Variants in HAUS6 observed in about 807,000 individuals in gnomAD.
HAUS6 encodes HAUS augmin like complex subunit 6, also known as HAUS augmin-like complex subunit 6.
HAUS6 carries 80 observed loss-of-function variants against 106.8 expected under a neutral mutation model. The ratio of observed to expected loss-of-function variants is 0.75; its 90% CI spans 0.63 to 0.90. The LOEUF (loss-of-function observed/expected upper bound fraction) is 0.90, where lower values mean the gene tolerates loss of function less well. Ranked by LOEUF, HAUS6 falls within the 40% of genes least tolerant of loss-of-function variation. The probability of loss-of-function intolerance (pLI) is 0.00; values close to 1 mark genes in which losing one functional copy is unlikely to be tolerated. For synonymous variants in HAUS6, 356 were observed against 379.1 expected, an observed-to-expected ratio of 0.94 and a Z score of 0.71; for missense variants, 1,155 against 1,118.1, an observed-to-expected ratio of 1.03 and a Z score of -0.47.
chr9:19,081,163 AC>A (rs1837139040), intron 8 of HAUS6, among the ~76,000 whole-genome samples: 1 of 152,202 alleles, frequency 6.6e-6, no homozygotes, highest in Admixed American at 6.5e-5. Flanking sequence ...AGTGAAAACT[AC>A]TAGGAAAGAG....
In HAUS6 at chr9:19,070,276, T is replaced by G. The variant is rs1487007901; in HGVS notation, c.1319A>C (p.Glu440Ala). ...ATCACTGTCTCCTCTGCAACCATTT[T>G]CTTGGTTATGTTGCTTATGTGCATC... ...LPDAHKQHNQ[E>A]NGCRGDSDTL... The change falls in exon 12 of 17, where the codon GAA becomes GCA. Residue 440 changes from glutamate to alanine, a missense_variant. Around this residue, in one of 3 missense-constraint regions of HAUS6, gnomAD observed 761 missense variants for 690.0 expected, o/e 1.10. Transcript: ENST00000380502. 1 of 1,598,314 alleles carries G rather than the reference T, an allele frequency of 6.3e-7. No homozygotes were observed. The highest frequency in any genetic ancestry group is 8.6e-7 in the Non-Finnish European group (1 of 1,165,962).
chr9:19,096,894 T>G, intron 1 of HAUS6, 125 bp from the exon 2 acceptor site: 1 of 478,528 alleles, frequency 2.1e-6, no homozygotes, highest in East Asian at 3.6e-5. Context: ...TCAAGGCAAA[T>G]TAATTTTTCT....
intron 12 of HAUS6, among the ~76,000 whole-genome samples, chr9:19,069,843 C>A (rs527857247): frequency 5.9e-5 from 9 of 152,216 alleles, no homozygotes; most frequent in African/African-American, 2.2e-4. Context: ...TGACCATAAT[C>A]CCAGCACTTT....
In HAUS6 at chr9:19,081,995, G is replaced by C. The variant is rs141919657; in HGVS notation, c.870+878C>G. On this transcript the variant is annotated intron_variant, in intron 8 of 16. Coordinates refer to ENST00000380502, the MANE Select transcript of HAUS6 (RefSeq NM_017645.5). The stretch of plus-strand genomic sequence containing the variant: ...ATGCTTGATGAATTGTGTTTTCTAA[G>C]AAAACAAAAAAGTAAGCTATCCAGA... Among the ~76,000 whole-genome samples the C allele has an allele frequency of 4.4e-3, 662 of 152,040 alleles. 12 individuals carry two copies. Among genetic ancestry groups the C allele is most frequent in the African/African-American group, 0.015 (643 of 41,494 alleles).
chr9:19,098,530 T>C (rs1009557600), intron 1 of HAUS6, among the ~76,000 whole-genome samples: 5 of 152,176 alleles, frequency 3.3e-5, no homozygotes, highest in Non-Finnish European at 5.9e-5. Flanking sequence ...CAATAAATAT[T>C]TGTTGAATGA....
chr9:19,080,726 C>T, intron 8 of HAUS6, 54 bp from the exon 9 acceptor site: 1 of 943,374 alleles, frequency 1.1e-6, no homozygotes, highest in South Asian at 1.5e-5. Flanking sequence ...TTACAACAAA[C>T]TATTACATAA....
intron 9 of HAUS6, among the ~76,000 whole-genome samples, chr9:19,079,557 T>C (rs527951414): frequency 1.3e-5 from 2 of 152,026 alleles, no homozygotes; most frequent in Non-Finnish European, 2.9e-5. Context: ...AGATAGAAGT[T>C]TTTCCTTGCT....
At chr9:19,057,351 A>G (rs1166798712) in intron 16 of HAUS6, 1 of 152,368 alleles carries the variant, frequency 6.6e-6, no homozygotes, top group Non-Finnish European at 1.5e-5. Flanking sequence ...CACTGCCACA[A>G]GCCAAGGAAT....
chr9:19,086,939 G>T (rs1837310040), intron 6 of HAUS6, 152 bp downstream of exon 6: 2 of 619,158 alleles, frequency 3.2e-6, no homozygotes, highest in Non-Finnish European at 5.8e-6. Flanking sequence ...AGGAAAACTG[G>T]ATTAGCAGTC....
Position 19,058,508 on chromosome 9 carries a change from C to G in HAUS6, c.2259G>C (p.Leu753Phe), listed in dbSNP as rs761378315. 3.0e-5 allele frequency: 48 copies of G among 1,578,090 alleles called. No individual in the cohort carries two copies. The highest frequency in any genetic ancestry group is 4.1e-5 in the Non-Finnish European group (47 of 1,159,144). ...CACTTGATATCTGAAAAGAATTCCA[C>G]AACATAGTTTTATTTGTGGAAGGTT... ...CNKPSTNKTMLWNSFQISSGI... is the reference protein window; with the variant it reads ...CNKPSTNKTMFWNSFQISSGI... Residue 753 changes from leucine (L) to phenylalanine (F), a missense_variant, in exon 16 of 17, where the codon TTG becomes TTC. Leu to Phe is a conservative substitution (Grantham distance 22, BLOSUM62 0). Around this residue, in one of 3 missense-constraint regions of HAUS6, gnomAD observed 380 missense variants for 394.8 expected, o/e 0.96. Transcript: ENST00000380502.
At position 19,100,901 on chromosome 9, in the gene HAUS6, G is replaced by A. The variant is rs542785824; in HGVS notation, c.128+1623C>T. 1.9e-4 allele frequency among the ~76,000 whole-genome samples: 29 copies of A among 152,270 alleles called. 1 individual carries two copies. The South Asian group carries it at 5.6e-3, about 29-fold the overall frequency. On this transcript the variant is annotated intron_variant, in intron 1 of 16. Transcript: ENST00000380502. ...AAAAAAAGTGGACCTCATGGAGGTA[G>A]GGAGTAGAATGGTGGTTAACACAGT...
chr9:19,093,362 A>C, intron 3 of HAUS6, 59 bp from the exon 4 acceptor site: 1 of 1,389,528 alleles, frequency 7.2e-7, no homozygotes, highest in Non-Finnish European at 1.0e-6. Context: ...TCTTACATTT[A>C]CATCACACTA....
intron 11 of HAUS6, among the ~76,000 whole-genome samples, chr9:19,074,140 G>C (rs147307104): frequency 6.6e-6 from 1 of 152,014 alleles, no homozygotes; most frequent in Non-Finnish European, 1.5e-5. Flanking sequence ...CCAGCTACTG[G>C]GGAGGCTGAG....
At position 19,054,178 on chromosome 9, in the gene HAUS6, A is replaced by G. The variant is rs1836420291; in HGVS notation, c.*2165T>C. On this transcript the variant is annotated 3_prime_UTR_variant, in exon 17 of 17. Transcript: ENST00000380502. Reference sequence around the variant, plus strand: ...AGGAAAATTGTATATCAAGACCTCTAAAGACCCATGCTCACTGAAGCATTT... The same window carrying G: ...AGGAAAATTGTATATCAAGACCTCTGAAGACCCATGCTCACTGAAGCATTT... 6.6e-6 allele frequency: 1 copy of G among 152,198 alleles called. No homozygotes were observed. The highest frequency in any genetic ancestry group is 6.5e-5 in the Admixed American group (1 of 15,280). 9.4% of individuals were successfully genotyped at this position (152,198 alleles called of 1,614,324 possible).
chr9:19,089,633 G>C (rs1432780822), intron 4 of HAUS6, 74 bp from the exon 5 acceptor site: 4 of 1,126,844 alleles, frequency 3.5e-6, no homozygotes, highest in Non-Finnish European at 3.8e-6. Context: ...ATGAACATTA[G>C]TGTCACTAAC....
intron 12 of HAUS6, among the ~76,000 whole-genome samples, chr9:19,069,942 T>C (rs936173560): frequency 6.6e-6 from 1 of 152,046 alleles, no homozygotes; most frequent in Non-Finnish European, 1.5e-5. Flanking sequence ...GTTTTTCCTT[T>C]TAGTACAGAC....
At chr9:19,078,380 G>A in intron 9 of HAUS6, 78 bp from the exon 10 acceptor site, 1 of 816,226 alleles carries the variant, frequency 1.2e-6, no homozygotes, top group Non-Finnish European at 2.0e-6. Context: ...AATAACAATA[G>A]TTGTAGAGAA....
At position 19,087,832 on chromosome 9, in the gene HAUS6, G is replaced by A. The variant is rs1240125897; in HGVS notation, c.585-676C>T. Among the ~76,000 whole-genome samples, 6 of 110,534 alleles carry A rather than the reference G, an allele frequency of 5.4e-5. 1 individual carries two copies. Among genetic ancestry groups the A allele is most frequent in the Admixed American group, 4.1e-4 (3 of 7,244 alleles). 72.5% of individuals were successfully genotyped at this position (110,534 alleles called of 152,430 possible). A position where few individuals can be genotyped will look rare whatever the true frequency, so the allele number is the denominator to read the frequency against. On this transcript the variant is annotated intron_variant, in intron 5 of 16. Transcript: ENST00000380502. ...CACTCTAGTCTAGCTAAGCAACAGA[G>A]CAAGACCTTGTCTCAAAAAAAAAAA...
intron 11 of HAUS6, among the ~76,000 whole-genome samples, chr9:19,071,861 C>A (rs1368613620): frequency 6.6e-6 from 1 of 151,948 alleles, no homozygotes; most frequent in South Asian, 2.1e-4. Context: ...TGAGCCACCA[C>A]GCCCAGCCAA....
Sources: gnomAD v4.1 joint callset for allele counts (sites outside exome capture counted in the v4.1 genomes callset) on GRCh38, gnomAD v4.1.1 for gene constraint, gnomAD v4.1.1 regional missense constraint, MANE v1.5 for transcripts, NCBI Gene and HGNC (gene_info 2026-07-23, HGNC 2026-07-21) for gene names.